GTF2A1: variants seen among roughly 807,000 people sequenced by gnomAD.
GTF2A1 encodes general transcription factor IIA subunit 1, also known as transcription initiation factor IIA subunit 1.
In GTF2A1, 12 loss-of-function variants were observed where a neutral mutation model predicts 54.1. The observed-to-expected ratio is 0.22, with a 90% confidence interval of 0.14 to 0.36. GTF2A1 has a LOEUF of 0.36. Among genes scored for constraint, GTF2A1 ranks in the 10% least tolerant of loss-of-function variants. The pLI is 1.00. For synonymous variants in GTF2A1, 145 were observed against 152.0 expected, an observed-to-expected ratio of 0.95 and a Z score of 0.34; for missense variants, 335 against 442.2, an observed-to-expected ratio of 0.76 and a Z score of 2.17.
At chr14:81,204,681 C>A (rs958824488) in intron 2 of GTF2A1, among the ~76,000 whole-genome samples, 34 of 152,342 alleles carry the variant, frequency 2.2e-4, no homozygotes, top group Middle Eastern at 3.4e-3. Context: ...TAGTAGTTAT[C>A]CCAACTCTCC....
chr14:81,196,338 G>T (rs1301519738), intron 5 of GTF2A1, 97 bp from the exon 6 acceptor site: 1 of 1,253,222 alleles, frequency 8.0e-7, no homozygotes, highest in Admixed American at 1.9e-5. Flanking sequence ...AAAGGCACAA[G>T]AAATTATCAA....
intron 2 of GTF2A1, among the ~76,000 whole-genome samples, chr14:81,215,632 G>T (rs541941866): frequency 6.6e-6 from 1 of 151,894 alleles, no homozygotes; most frequent in Non-Finnish European, 1.5e-5. Context: ...CAAAACATTC[G>T]GCCTACATAA....
intron 4 of GTF2A1, among the ~76,000 whole-genome samples, chr14:81,201,362 C>T (rs1274780230): frequency 6.6e-6 from 1 of 152,166 alleles, no homozygotes; most frequent in Non-Finnish European, 1.5e-5. Flanking sequence ...AATGGAATAA[C>T]TCTCACAAAG....
At position 81,220,932 on chromosome 14, in the gene GTF2A1, A is replaced by ACCGCCGCCGCCG. The variant is rs3040313; in HGVS notation, c.-426_-415dup. On this transcript the variant is annotated 5_prime_UTR_variant, in exon 1 of 9. Coordinates refer to ENST00000553612, the MANE Select transcript of GTF2A1 (RefSeq NM_015859.4). ...GAGCCAACAAGCTGCGCGAGCCACCACCGCCGCCGCCGCCGCCGCCGAGAG... is the reference window on the plus strand; with the variant it reads ...GAGCCAACAAGCTGCGCGAGCCACCACCGCCGCCGCCGCCGCCGCCGCCGCCGCCGCCGAGAG... 12 of 164,320 alleles carry ACCGCCGCCGCCG rather than the reference A, an allele frequency of 7.3e-5. No homozygotes were observed. The highest frequency in any genetic ancestry group is 3.1e-4 in the South Asian group (2 of 6,426). The allele number at this position is 164,320 out of a possible 1,614,324, so 10.2% of individuals were successfully genotyped here. A position where few individuals can be genotyped will look rare whatever the true frequency, so the allele number is the denominator to read the frequency against.
intron 3 of GTF2A1, chr14:81,202,914 A>G: frequency 2.5e-6 from 1 of 403,028 alleles, no homozygotes; most frequent in South Asian, 1.9e-5. Context: ...AGATATCAAC[A>G]GTAAAATAAC....
intron 7 of GTF2A1, among the ~76,000 whole-genome samples, chr14:81,190,620 T>C (rs1892855845): frequency 6.6e-6 from 1 of 151,350 alleles, no homozygotes; most frequent in Non-Finnish European, 1.5e-5. Context: ...AACAAAGCAA[T>C]GCAAAGAAGG....
At position 81,197,473 on chromosome 14, in the gene GTF2A1, A is replaced by G. The variant is rs150451631; in HGVS notation, c.414T>C (p.Ala138=). 2.3e-5 allele frequency: 36 copies of G among 1,576,296 alleles called. No individual in the cohort carries two copies. The highest frequency in any genetic ancestry group is 2.7e-5 in the Non-Finnish European group (31 of 1,152,630). The part of the protein sequence containing the change: ...HMNASNMSAA[A]TAATLALPAG... ...CAGGGAGTGCTAAGGTAGCAGCTGT[A>G]GCAGCAGCACTCTGAAAAAAACAAA... Residue 138 remains alanine, a synonymous_variant, in exon 5 of 9, where the codon GCT becomes GCC. Transcript: ENST00000553612.
chr14:81,205,502 A>G (rs1893209745), intron 2 of GTF2A1, among the ~76,000 whole-genome samples: 1 of 152,234 alleles, frequency 6.6e-6, no homozygotes, highest in African/African-American at 2.4e-5. Flanking sequence ...GGATTAAATG[A>G]CATATCTATG....
intron 2 of GTF2A1, among the ~76,000 whole-genome samples, chr14:81,214,951 A>G (rs1354066517): frequency 6.6e-6 from 1 of 152,218 alleles, no homozygotes; most frequent in Non-Finnish European, 1.5e-5. Context: ...ACAATTAAGT[A>G]GTTGGGAAAA....
intron 2 of GTF2A1, among the ~76,000 whole-genome samples, chr14:81,210,578 G>A (rs1893342261): frequency 6.6e-6 from 1 of 152,010 alleles, no homozygotes; most frequent in African/African-American, 2.4e-5. Context: ...TTTTGGATAT[G>A]GAGTGTCACT....
Position 81,220,637 on chromosome 14 carries a change from A to T in GTF2A1, c.-119T>A. ...CCCAAATCACCGCAAGATTGGGGAA[A>T]AAATTTTAAACAAAATCAATCCTGA... On this transcript the variant is annotated 5_prime_UTR_variant, in exon 1 of 9. Transcript: ENST00000553612. 1.4e-6 allele frequency: 1 copy of T among 723,572 alleles called. No homozygotes were observed. The highest frequency in any genetic ancestry group is 2.2e-6 in the Non-Finnish European group (1 of 456,274). 44.8% of individuals were successfully genotyped at this position (723,572 alleles called of 1,614,324 possible). A position where few individuals can be genotyped will look rare whatever the true frequency, so the allele number is the denominator to read the frequency against.
At position 81,176,524 on chromosome 14, in the gene GTF2A1, CAAAAT is replaced by C. The variant is rs1201817486; in HGVS notation, c.*3694_*3698del. 6.6e-6 allele frequency: 1 copy of C among 151,868 alleles called. No individual in the cohort carries two copies. Among genetic ancestry groups the C allele is most frequent in the Non-Finnish European group, 1.5e-5 (1 of 67,922 alleles). 9.4% of individuals were successfully genotyped at this position (151,868 alleles called of 1,614,324 possible). On this transcript the variant is annotated 3_prime_UTR_variant, in exon 9 of 9. Transcript: ENST00000553612. ...AAAAGAGAAAAGTTTTTTTGTTCCT[CAAAAT>C]AAACAAAAATGTTAGTTTGGTGTGT... is the stretch of plus-strand genomic sequence containing the variant.
intron 7 of GTF2A1, among the ~76,000 whole-genome samples, chr14:81,191,024 G>T (rs145224965): frequency 5.9e-5 from 9 of 152,242 alleles, no homozygotes; most frequent in African/African-American, 1.9e-4. Flanking sequence ...AATTTAGGGG[G>T]AGGAAACGGG....
At chr14:81,185,103 T>C (rs949924901) in intron 8 of GTF2A1, among the ~76,000 whole-genome samples, 50 of 151,446 alleles carry the variant, frequency 3.3e-4, no homozygotes, top group African/African-American at 1.1e-3. Flanking sequence ...TTTAGCACTG[T>C]TCATTGCCTT....
intron 1 of GTF2A1, among the ~76,000 whole-genome samples, chr14:81,218,206 T>C (rs1893529168): frequency 6.6e-6 from 1 of 152,212 alleles, no homozygotes; most frequent in South Asian, 2.1e-4. Context: ...GTAAACTAGA[T>C]GGTGTTTTGG....
At chr14:81,212,608 T>C (rs551342637) in intron 2 of GTF2A1, among the ~76,000 whole-genome samples, 1 of 152,330 alleles carries the variant, frequency 6.6e-6, no homozygotes, top group South Asian at 2.1e-4. Context: ...ATACAAGCTT[T>C]TGATAAGTTT....
chr14:81,183,268 T>G (rs1203223482), intron 8 of GTF2A1, among the ~76,000 whole-genome samples: 1 of 152,152 alleles, frequency 6.6e-6, no homozygotes, highest in Non-Finnish European at 1.5e-5. Context: ...CTATAAAGTA[T>G]TATTTATTCT....
chr14:81,198,721 C>T (rs1453364999), intron 4 of GTF2A1, among the ~76,000 whole-genome samples: 2 of 152,158 alleles, frequency 1.3e-5, no homozygotes, highest in Non-Finnish European at 2.9e-5. Flanking sequence ...TACATTCAAT[C>T]TAACCTATAC....
Position 81,180,241 on chromosome 14 carries a change from A to G in GTF2A1, c.1113T>C (p.Ile371=). 2 of 1,343,378 alleles carry G rather than the reference A, an allele frequency of 1.5e-6. No homozygotes were observed. The highest frequency in any genetic ancestry group is 2.1e-6 in the Non-Finnish European group (2 of 956,076). 83.2% of individuals were successfully genotyped at this position (1,343,378 alleles called of 1,614,324 possible). ...NGRDYIFSKA[I]GDAEW ...CAACTCTTCACCATTCTGCATCTCCAATGGCTTTGGAAAATATATAATCTC... is the reference window on the plus strand; with the variant it reads ...CAACTCTTCACCATTCTGCATCTCCGATGGCTTTGGAAAATATATAATCTC... Residue 371 remains isoleucine (I), a synonymous_variant, in exon 9 of 9, where the codon ATT becomes ATC. Coordinates refer to ENST00000553612, the MANE Select transcript of GTF2A1 (RefSeq NM_015859.4).
Sources: gnomAD v4.1 joint callset for allele counts (sites outside exome capture counted in the v4.1 genomes callset) on GRCh38, gnomAD v4.1.1 for gene constraint, MANE v1.5 for transcripts, NCBI Gene and HGNC (gene_info 2026-07-23, HGNC 2026-07-21) for gene names.